Variants in TRIM62 observed in about 807,000 individuals in gnomAD.
TRIM62 encodes the protein E3 ubiquitin-protein ligase TRIM62.
A neutral mutation model predicts 44.2 loss-of-function variants in TRIM62; 39 were observed. That is an observed-to-expected ratio of 0.88 (90% CI 0.68 to 1.15). The LOEUF is 1.15. Among genes scored for constraint, TRIM62 ranks in the 50% most tolerant of loss-of-function variants. The pLI is 0.00. For synonymous variants in TRIM62, 278 were observed against 292.3 expected, an observed-to-expected ratio of 0.95 and a Z score of 0.50; for missense variants, 544 against 665.5, an observed-to-expected ratio of 0.82 and a Z score of 2.01.
intron 4 of TRIM62, among the ~76,000 whole-genome samples, chr1:33,148,282 T>A (rs1003329638): frequency 1.3e-5 from 2 of 152,180 alleles, no homozygotes; most frequent in African/African-American, 2.4e-5. Context: ...GGATGAAAAA[T>A]CTTTTTTATA....
intron 3 of TRIM62, 62 bp from the exon 4 acceptor site, chr1:33,158,430 GC>G: frequency 7.1e-7 from 1 of 1,408,552 alleles, no homozygotes; most frequent in Non-Finnish European, 1.0e-6. Flanking sequence ...AATGCCAGGG[GC>G]CCCGCAGCCA....
intron 1 of TRIM62, among the ~76,000 whole-genome samples, chr1:33,178,899 G>C (rs1215905793): frequency 6.6e-6 from 1 of 152,234 alleles, no homozygotes; most frequent in African/African-American, 2.4e-5. Flanking sequence ...CCAACATACA[G>C]TAATTTGGAT....
intron 4 of TRIM62, among the ~76,000 whole-genome samples, chr1:33,155,315 G>A (rs1055108782): frequency 1.1e-4 from 16 of 151,784 alleles, no homozygotes; most frequent in Admixed American, 2.6e-4. Context: ...CAAGTGATCC[G>A]CCTGCCTTGC....
In TRIM62 at chr1:33,147,055, T is replaced by G. The variant is rs1570278612; in HGVS notation, c.*122A>C. The G allele has an allele frequency of 9.6e-7, 1 of 1,036,846 alleles. No homozygotes were observed. Among genetic ancestry groups the G allele is most frequent in the Admixed American group, 2.5e-5 (1 of 39,496 alleles). The allele number at this position is 1,036,846 out of a possible 1,614,324, so 64.2% of individuals were successfully genotyped here. A position where few individuals can be genotyped will look rare whatever the true frequency, so the allele number is the denominator to read the frequency against. The stretch of plus-strand genomic sequence containing the variant: ...ATTTTACAGACTGGAGGCTGGAGGG[T>G]AAACAACTGGCCTGAGGTCTCCAGT... On this transcript the variant is annotated 3_prime_UTR_variant, in exon 5 of 5. Transcript: ENST00000291416. This position sits in a 1 kb window ranked among gnomAD's most constrained non-coding sequence, Gnocchi z 8.1.
At position 33,181,465 on chromosome 1, in the gene TRIM62, G is replaced by C. The variant is rs752707352; in HGVS notation, c.-33C>G. ...GGGGCAGCAGAGAGGGGGGCCCGAG[G>C]GGCAGGGGGGCGGCTGAGAGAGCGC... On this transcript the variant is annotated 5_prime_UTR_variant, in exon 1 of 5. Transcript: ENST00000291416. This position sits in a 1 kb window ranked among gnomAD's most constrained non-coding sequence, Gnocchi z 6.5. 3 of 1,550,658 alleles carry C rather than the reference G, an allele frequency of 1.9e-6. No individual in the cohort carries two copies. Among genetic ancestry groups the C allele is most frequent in the African/African-American group, 2.8e-5 (2 of 72,598 alleles).
At chr1:33,168,202 A>G (rs1205563919) in intron 1 of TRIM62, among the ~76,000 whole-genome samples, 1 of 152,186 alleles carries the variant, frequency 6.6e-6, no homozygotes, top group African/African-American at 2.4e-5. Context: ...TTGAGAGCCC[A>G]TGCTGATGCA....
intron 1 of TRIM62, among the ~76,000 whole-genome samples, chr1:33,178,366 G>A (rs1029527048): frequency 6.6e-6 from 1 of 152,192 alleles, no homozygotes; most frequent in African/African-American, 2.4e-5. Context: ...GGGGTGGAGG[G>A]TGCCTTGAAT....
chr1:33,180,904 G>T, intron 1 of TRIM62, 121 bp downstream of exon 1: 1 of 525,108 alleles, frequency 1.9e-6, no homozygotes, highest in Non-Finnish European at 2.8e-6. Flanking sequence ...CCTTGCTGGC[G>T]GCCCCGCCCC....
chr1:33,179,597 C>T (rs1236845717), intron 1 of TRIM62, among the ~76,000 whole-genome samples: 1 of 152,156 alleles, frequency 6.6e-6, no homozygotes, highest in African/African-American at 2.4e-5. Context: ...CCAGCTTAGG[C>T]CAGGGTTGGT....
At chr1:33,154,527 C>T (rs551161745) in intron 4 of TRIM62, among the ~76,000 whole-genome samples, 18 of 149,964 alleles carry the variant, frequency 1.2e-4, no homozygotes, top group African/African-American at 2.7e-4. Context: ...AGGCTGGGCG[C>T]GGTGGCTCAC....
chr1:33,164,360 G>A (rs936151025), intron 2 of TRIM62: 20 of 152,250 alleles, frequency 1.3e-4, no homozygotes, highest in African/African-American at 3.9e-4. Context: ...CTGACAGAGC[G>A]GGGTCAGCCT....
intron 4 of TRIM62, among the ~76,000 whole-genome samples, chr1:33,153,200 C>T (rs1375805885): frequency 6.6e-6 from 1 of 152,144 alleles, no homozygotes; most frequent in Non-Finnish European, 1.5e-5. Flanking sequence ...CCCCTCCCAT[C>T]TGGACATAAA....
At chr1:33,175,383 AC>A (rs1332997175) in intron 1 of TRIM62, among the ~76,000 whole-genome samples, 5 of 151,934 alleles carry the variant, frequency 3.3e-5, no homozygotes, top group Non-Finnish European at 7.4e-5. Flanking sequence ...GACAGAACTC[AC>A]CTCCAAATCT....
At chr1:33,152,729 A>G (rs577048418) in intron 4 of TRIM62, among the ~76,000 whole-genome samples, 1 of 152,190 alleles carries the variant, frequency 6.6e-6, no homozygotes, top group Non-Finnish European at 1.5e-5. Flanking sequence ...AAATGCAACT[A>G]TCCTTGTTTT....
chr1:33,181,828 T>A lies in TRIM62; in HGVS notation c.-396A>T, dbSNP rs1279865212. 1.8e-4 allele frequency among the ~76,000 whole-genome samples: 1 copy of A among 5,686 alleles called. No homozygotes were observed. Among genetic ancestry groups the A allele is most frequent in the African/African-American group, 8.5e-4 (1 of 1,172 alleles). 3.7% of individuals were successfully genotyped at this position (5,686 alleles called of 152,430 possible). ...CCTTAAGGGGGTCGAAATCCCGGGGTGGGGGCGGTGCGGGGAGGGCGAGAA... is the reference window on the plus strand; with the variant it reads ...CCTTAAGGGGGTCGAAATCCCGGGGAGGGGGCGGTGCGGGGAGGGCGAGAA... On this transcript the variant is annotated 5_prime_UTR_variant, in exon 1 of 5. Transcript: ENST00000291416. This position sits in a 1 kb window ranked among gnomAD's most constrained non-coding sequence, Gnocchi z 6.5.
At chr1:33,173,787 C>T (rs1645393165) in intron 1 of TRIM62, among the ~76,000 whole-genome samples, 1 of 151,744 alleles carries the variant, frequency 6.6e-6, no homozygotes, top group Non-Finnish European at 1.5e-5. Flanking sequence ...TAGCCTCAAA[C>T]TCCTGGGGCT....
chr1:33,154,629 C>G (rs1371157735), intron 4 of TRIM62, among the ~76,000 whole-genome samples: 1 of 151,410 alleles, frequency 6.6e-6, no homozygotes, highest in Non-Finnish European at 1.5e-5. Flanking sequence ...GAAACACCGT[C>G]TCTACTAAAA....
intron 4 of TRIM62, among the ~76,000 whole-genome samples, chr1:33,148,733 AAG>A (rs1645054064): frequency 6.6e-6 from 1 of 152,260 alleles, no homozygotes; most frequent in Non-Finnish European, 1.5e-5. Context: ...AAATTATAAA[AAG>A]GTTATATTAT....
At position 33,159,668 on chromosome 1, in the gene TRIM62, C is replaced by G. The variant is rs1645233773; in HGVS notation, c.761+20G>C. 4.4e-6 allele frequency: 7 copies of G among 1,592,052 alleles called. No homozygotes were observed. The highest frequency in any genetic ancestry group is 6.0e-6 in the Non-Finnish European group (7 of 1,169,714). ...GGAGGGGATGGTCAGCCGGGGAGGG[C>G]CCCGGCGGGTGGCACTTACCGCTCG... On this transcript the variant is annotated intron_variant, in intron 3 of 4. Coordinates refer to ENST00000291416, the MANE Select transcript of TRIM62 (RefSeq NM_018207.3). This position sits in a 1 kb window ranked among gnomAD's most constrained non-coding sequence, Gnocchi z 4.2.
Sources: allele counts gnomAD v4.1 joint callset (sites outside exome capture counted in the v4.1 genomes callset), GRCh38; gene constraint gnomAD v4.1.1; non-coding constraint Gnocchi (gnomAD v3.1); transcripts MANE v1.5; gene names NCBI Gene and HGNC (gene_info 2026-07-23, HGNC 2026-07-21).